FGFR1: variants seen among roughly 807,000 people sequenced by gnomAD.
FGFR1 encodes the protein FGFR1/PLAG1 fusion.
Under a neutral mutation model 93.7 loss-of-function variants are expected in FGFR1, and 18 were observed. The ratio of observed to expected loss-of-function variants is 0.19; its 90% CI spans 0.13 to 0.28. FGFR1 has a LOEUF of 0.28. Ranked by LOEUF, FGFR1 falls within the 10% of genes least tolerant of loss-of-function variation. FGFR1 has a pLI of 1.00. For synonymous variants in FGFR1, 448 were observed against 429.3 expected (o/e 1.04, Z -0.54); for missense variants, 731 against 1,080.4 (o/e 0.68, Z 4.53).
intron 11 of FGFR1, 119 bp downstream of exon 11, chr8:38,417,751 G>C (rs912552030): frequency 1.4e-6 from 2 of 1,429,642 alleles, no homozygotes; most frequent in African/African-American, 1.4e-5. Flanking sequence ...ACCCCAAGCA[G>C]GCAGCGGAGC....
chr8:38,460,273 T>C (rs540339743), intron 1 of FGFR1, among the ~76,000 whole-genome samples: 1 of 152,274 alleles, frequency 6.6e-6, no homozygotes, highest in South Asian at 2.1e-4. Flanking sequence ...AGAGCTGGGA[T>C]AGAAGCAGTG....
rs1814952415 is a variant in FGFR1 at position 38,413,177 on chromosome 8, C to T, written c.*451G>A. ...GCAGAGGTCACCTTCAATCGAGGCA[C>T]GAAGCACTGACCTCCCTACTGCTGT... On this transcript the variant is annotated 3_prime_UTR_variant, in exon 18 of 18. Transcript: ENST00000447712. The surrounding 1 kb of genome is among the most constrained non-coding windows in gnomAD (Gnocchi z 4.2). 1.2e-5 allele frequency: 3 copies of T among 251,010 alleles called. No homozygotes were observed. Among genetic ancestry groups the T allele is most frequent in the Admixed American group, 5.0e-5 (1 of 19,998 alleles). The allele number at this position is 251,010 out of a possible 1,614,324, so 15.5% of individuals were successfully genotyped here.
At chr8:38,449,288 A>C (rs962923664) in intron 2 of FGFR1, among the ~76,000 whole-genome samples, 1 of 152,190 alleles carries the variant, frequency 6.6e-6, no homozygotes, top group South Asian at 2.1e-4. Flanking sequence ...ACAGGAACAG[A>C]TATTTCCAGC....
intron 9 of FGFR1, 149 bp from the exon 10 acceptor site, chr8:38,418,522 G>A (rs529171441): frequency 3.0e-6 from 3 of 1,004,590 alleles, no homozygotes; most frequent in South Asian, 1.6e-5. Context: ...CAAAGACCAT[G>A]GTAGGCCAGG....
intron 2 of FGFR1, among the ~76,000 whole-genome samples, chr8:38,433,565 C>G (rs2151017422): frequency 6.6e-6 from 1 of 152,314 alleles, no homozygotes. Flanking sequence ...CCGCCTCGGT[C>G]CTTGCATCTT....
chr8:38,431,165 C>G (rs1337605942), intron 2 of FGFR1, among the ~76,000 whole-genome samples: 1 of 152,196 alleles, frequency 6.6e-6, no homozygotes, highest in Non-Finnish European at 1.5e-5. Flanking sequence ...CATGTTCTCC[C>G]TCAGCCCCTG....
Position 38,434,328 on chromosome 8 carries a change from G to T in FGFR1, c.92-4380C>A, listed in dbSNP as rs117315721. The T allele has an allele frequency of 1.2e-3, 162 of 132,044 alleles. 9 individuals are homozygous for T. Among genetic ancestry groups the T allele is most frequent in the East Asian group, 2.4e-3 (9 of 3,792 alleles). 8.2% of individuals were successfully genotyped at this position (132,044 alleles called of 1,614,324 possible). A position where few individuals can be genotyped will look rare whatever the true frequency, so the allele number is the denominator to read the frequency against. Reference sequence around the variant, plus strand: ...GCTGCGCTCAACCCATATTGCTGCTGCTTTTTTTTTTTTTTTTTATAACAA... The same window carrying T: ...GCTGCGCTCAACCCATATTGCTGCTTCTTTTTTTTTTTTTTTTTATAACAA... On this transcript the variant is annotated intron_variant, in intron 2 of 17. Coordinates refer to ENST00000447712, the MANE Select transcript of FGFR1 (RefSeq NM_023110.3).
At chr8:38,418,491 T>C (rs1817571429) in intron 9 of FGFR1, 118 bp from the exon 10 acceptor site, 3 of 1,258,980 alleles carry the variant, frequency 2.4e-6, no homozygotes, top group Non-Finnish European at 3.3e-6. Flanking sequence ...TCTGATGTTC[T>C]TTCCTCAACA....
Position 38,424,286 on chromosome 8 carries a change from C to G in FGFR1, c.936+223G>C, listed in dbSNP as rs1819919986. 1 of 702,786 alleles carries G rather than the reference C, an allele frequency of 1.4e-6. No individual in the cohort carries two copies. Among genetic ancestry groups the G allele is most frequent in the Non-Finnish European group, 2.7e-6 (1 of 376,980 alleles). The allele number at this position is 702,786 out of a possible 1,614,324, so 43.5% of individuals were successfully genotyped here. The stretch of plus-strand genomic sequence containing the variant: ...AAAGCTTATTACAGACCAGCACCAC[C>G]CATCCCTGCAGCCCTCTGTTCCCAG... On this transcript the variant is annotated intron_variant, in intron 7 of 17. Coordinates refer to ENST00000447712, the MANE Select transcript of FGFR1 (RefSeq NM_023110.3). The surrounding 1 kb of genome is among the most constrained non-coding windows in gnomAD (Gnocchi z 4.3).
chr8:38,412,545 C>T lies in FGFR1; in HGVS notation c.*1083G>A. ...GCAGACATCTTCTTTTTCTGACTTT[C>T]CAAAAGCAGCGGAGAGGCAGGAGGT... On this transcript the variant is annotated 3_prime_UTR_variant, in exon 18 of 18. Coordinates refer to ENST00000447712, the MANE Select transcript of FGFR1 (RefSeq NM_023110.3). The T allele has an allele frequency of 4.3e-6, 1 of 233,166 alleles. No homozygotes were observed. The highest frequency in any genetic ancestry group is 8.5e-6 in the Non-Finnish European group (1 of 117,918). 14.4% of individuals were successfully genotyped at this position (233,166 alleles called of 1,614,324 possible). A position where few individuals can be genotyped will look rare whatever the true frequency, so the allele number is the denominator to read the frequency against.
rs2150522584 is a variant in FGFR1, at chr8:38,413,992, C to T, written c.2218G>A (p.Val740Met). ...YMMMRDCWHA[V>M]PSQRPTFKQL... ...TTGAAGGTGGGTCTCTGTGAGGGCA[C>T]TGCATGCCAGCAGTCCCGCATCATC... Residue 740 changes from valine (V) to methionine (M), a missense_variant, in exon 17 of 18, where the codon GTG becomes ATG. By Grantham distance (21) the Val-to-Met change is conservative. Transcript: ENST00000447712. The surrounding 1 kb of genome is among the most constrained non-coding windows in gnomAD (Gnocchi z 4.2). 1 of 1,614,144 alleles carries T rather than the reference C, an allele frequency of 6.2e-7. No individual in the cohort carries two copies. Among genetic ancestry groups the T allele is most frequent in the Non-Finnish European group, 8.5e-7 (1 of 1,179,998 alleles).
At chr8:38,427,046 G>A (rs923471595) in intron 5 of FGFR1, among the ~76,000 whole-genome samples, 4 of 151,302 alleles carry the variant, frequency 2.6e-5, no homozygotes, top group Non-Finnish European at 5.9e-5. Flanking sequence ...GGTGGAGCTT[G>A]CAGTGAGCCA....
At chr8:38,467,193 C>T (rs908267458) in intron 1 of FGFR1, among the ~76,000 whole-genome samples, 16 of 152,230 alleles carry the variant, frequency 1.1e-4, no homozygotes, top group African/African-American at 3.6e-4. Context: ...CACACCTCGG[C>T]TTAACGACCG....
chr8:38,467,918 C>G (rs17182086), intron 1 of FGFR1, 63 bp downstream of exon 1: 11 of 218,766 alleles, frequency 5.0e-5, no homozygotes, highest in Admixed American at 5.8e-5. Flanking sequence ...CGGGAGGCTC[C>G]GGCGCCGGGG....
At position 38,429,479 on chromosome 8, in the gene FGFR1, G is replaced by C; in HGVS notation, c.358+203C>G. 1 of 711,878 alleles carries C rather than the reference G, an allele frequency of 1.4e-6. No individual in the cohort carries two copies. The highest frequency in any genetic ancestry group is 2.5e-6 in the Non-Finnish European group (1 of 397,472). The allele number at this position is 711,878 out of a possible 1,614,324, so 44.1% of individuals were successfully genotyped here. A position where few individuals can be genotyped will look rare whatever the true frequency, so the allele number is the denominator to read the frequency against. ...GTGTCCTGGAAGCCCCAGATCTCCG[G>C]CCCTGGGGCCCACCCCACCTAGTCA... is the stretch of plus-strand genomic sequence containing the variant. On this transcript the variant is annotated intron_variant, in intron 3 of 17. Coordinates refer to ENST00000447712, the MANE Select transcript of FGFR1 (RefSeq NM_023110.3). This position sits in a 1 kb window ranked among gnomAD's most constrained non-coding sequence, Gnocchi z 4.4.
intron 8 of FGFR1, 146 bp from the exon 9 acceptor site, chr8:38,419,881 T>G (rs905545232): frequency 2.8e-5 from 19 of 671,016 alleles, no homozygotes; most frequent in African/African-American, 1.4e-4. Flanking sequence ...AGGACTGGGA[T>G]TGTGGCACTA....
At chr8:38,450,521 C>T (rs1291877948) in intron 2 of FGFR1, among the ~76,000 whole-genome samples, 3 of 152,130 alleles carry the variant, frequency 2.0e-5, no homozygotes, top group South Asian at 2.1e-4. Context: ...CATTCATCAC[C>T]GCCCAGACAC....
At chr8:38,417,590 G>C (rs1435391970) in intron 11 of FGFR1, 174 bp from the exon 12 acceptor site, 1 of 728,304 alleles carries the variant, frequency 1.4e-6, no homozygotes, top group Non-Finnish European at 2.4e-6. Flanking sequence ...GTTGCAATAG[G>C]TGGTAGTGAG....
chr8:38,453,199 G>C (rs1478488307), intron 2 of FGFR1, among the ~76,000 whole-genome samples: 1 of 152,154 alleles, frequency 6.6e-6, no homozygotes, highest in East Asian at 1.9e-4. Flanking sequence ...TGAGACGGGG[G>C]CTTACTCCAC....
Sources: allele counts gnomAD v4.1 joint callset (sites outside exome capture counted in the v4.1 genomes callset), GRCh38; gene constraint gnomAD v4.1.1; non-coding constraint Gnocchi (gnomAD v3.1); transcripts MANE v1.5; gene names NCBI Gene and HGNC (gene_info 2026-07-23, HGNC 2026-07-21).